Variants in RIC1 observed in about 807,000 individuals in gnomAD.
The protein encoded by RIC1 is guanine nucleotide exchange factor subunit RIC1.
In RIC1, 88 loss-of-function variants were observed where a neutral mutation model predicts 169.0. The ratio of observed to expected loss-of-function variants is 0.52; its 90% confidence interval spans 0.44 to 0.62. RIC1 has a LOEUF of 0.62. Ranked by LOEUF, RIC1 falls within the 20% of genes least tolerant of loss-of-function variation. The pLI is 0.00. For missense variants in RIC1, 1,877 were observed against 1,725.5 expected, an observed-to-expected ratio of 1.09 and a Z score of -1.56; for synonymous variants, 790 against 601.5, an observed-to-expected ratio of 1.31 and a Z score of -4.59.
chr9:5,721,472 G>C (rs1198806226), intron 6 of RIC1, among the ~76,000 whole-genome samples: 1 of 152,174 alleles, frequency 6.6e-6, no homozygotes, highest in East Asian at 1.9e-4. Flanking sequence ...ACGCTGAAGA[G>C]CCCCAGGGTC....
At chr9:5,717,455 A>G (rs560927491) in intron 4 of RIC1, among the ~76,000 whole-genome samples, 1 of 152,296 alleles carries the variant, frequency 6.6e-6, no homozygotes, top group East Asian at 1.9e-4. Flanking sequence ...TGAAGTAATC[A>G]AAAGGATCAG....
rs1448940885 is a variant in RIC1, at chr9:5,720,302, A to G, written c.561A>G (p.Ser187=). The G allele has an allele frequency of 6.2e-7, 1 of 1,613,484 alleles. No individual in the cohort carries two copies. Among genetic ancestry groups the G allele is most frequent in the Non-Finnish European group, 8.5e-7 (1 of 1,179,652 alleles). ...TTAATCTTTGCACAGTACCCTTTTC[A>G]GTAGACCTGCAGTCATCTAGAGGTA... ...KAINLCTVPF[S]VDLQSSRVGS... is the part of the protein sequence containing the mutation. Residue 187 remains serine, a synonymous_variant, in exon 5 of 26, where the codon TCA becomes TCG. Coordinates refer to ENST00000414202, the MANE Select transcript of RIC1 (RefSeq NM_020829.4).
At chr9:5,702,470 C>T (rs1402641614) in intron 3 of RIC1, among the ~76,000 whole-genome samples, 2 of 152,110 alleles carry the variant, frequency 1.3e-5, no homozygotes, top group Admixed American at 6.5e-5. Context: ...GAGCAGGAAG[C>T]CGGGGAGAGG....
At chr9:5,668,650 C>T (rs1819922032) in intron 2 of RIC1, among the ~76,000 whole-genome samples, 2 of 152,098 alleles carry the variant, frequency 1.3e-5, no homozygotes, top group South Asian at 2.1e-4. Context: ...TTTCCGTCTG[C>T]TCAAATTTGC....
At position 5,643,092 on chromosome 9, in the gene RIC1, G is replaced by C. The variant is rs892004311; in HGVS notation, c.145-13491G>C. 1.1e-4 allele frequency among the ~76,000 whole-genome samples: 17 copies of C among 152,154 alleles called. 1 individual carries two copies. Among genetic ancestry groups the C allele is most frequent in the African/African-American group, 3.9e-4 (16 of 41,494 alleles). Reference sequence around the variant, plus strand: ...AGGTGGGAGGATCACTTGAGCCCAGGAGTTCAAGACCAGTCTGGACAGTAT... The same window carrying C: ...AGGTGGGAGGATCACTTGAGCCCAGCAGTTCAAGACCAGTCTGGACAGTAT... On this transcript the variant is annotated intron_variant, in intron 1 of 25. Coordinates refer to ENST00000414202, the MANE Select transcript of RIC1 (RefSeq NM_020829.4).
At chr9:5,656,389 TA>T (rs1819099041) in intron 1 of RIC1, among the ~76,000 whole-genome samples, 193 bp from the exon 2 acceptor site, 1 of 152,216 alleles carries the variant, frequency 6.6e-6, no homozygotes, top group African/African-American at 2.4e-5. Flanking sequence ...GTTTCTTTAA[TA>T]ATACAGGCGT....
intron 2 of RIC1, among the ~76,000 whole-genome samples, chr9:5,686,554 A>G (rs10975240): frequency 0.036 from 5,294 of 147,202 alleles, 122 homozygotes; most frequent in Middle Eastern, 0.059. Context: ...GCATATTCTC[A>G]CTCATAGGTG....
intron 1 of RIC1, among the ~76,000 whole-genome samples, chr9:5,631,288 C>A (rs1359207565): frequency 6.6e-6 from 1 of 152,168 alleles, no homozygotes; most frequent in African/African-American, 2.4e-5. Flanking sequence ...AGTCCAGGGA[C>A]CCCTACTATT....
At chr9:5,768,871 C>A (rs1586727052) in intron 21 of RIC1, 99 bp from the exon 22 acceptor site, 1 of 1,296,382 alleles carries the variant, frequency 7.7e-7, no homozygotes, top group Non-Finnish European at 1.1e-6. Context: ...TCTTGGATCT[C>A]TTATCTCCTT....
chr9:5,771,890 A>C (rs1280072448), intron 23 of RIC1, among the ~76,000 whole-genome samples: 1 of 152,236 alleles, frequency 6.6e-6, no homozygotes, highest in African/African-American at 2.4e-5. Context: ...TATTAACTGA[A>C]GAAAATCCAT....
chr9:5,752,669 C>G (rs1230904235), intron 12 of RIC1, among the ~76,000 whole-genome samples: 1 of 152,160 alleles, frequency 6.6e-6, no homozygotes, highest in African/African-American at 2.4e-5. Context: ...CTCCTGACCT[C>G]AGGTGATCCA....
chr9:5,756,344 C>G lies in RIC1; in HGVS notation c.1825C>G (p.Leu609Val). ...ATTTAGAGCAGACTGTTCAATATGC[C>G]TTTACAGTATTGAAAGAAAATCTGA... ...IVFRADCSIC[L>V]YSIERKSDGP... is the part of the protein sequence containing the mutation. The change falls in exon 16 of 26, where the codon CTT becomes GTT. Residue 609 changes from leucine to valine, a missense_variant. Physicochemically the swap from Leu to Val is conservative, Grantham distance 32. Coordinates refer to ENST00000414202, the MANE Select transcript of RIC1 (RefSeq NM_020829.4). 6.5e-7 allele frequency: 1 copy of G among 1,536,428 alleles called. No homozygotes were observed. The highest frequency in any genetic ancestry group is 8.8e-7 in the Non-Finnish European group (1 of 1,132,990).
chr9:5,743,478 C>T (rs1254782445), intron 9 of RIC1, among the ~76,000 whole-genome samples: 1 of 152,128 alleles, frequency 6.6e-6, no homozygotes, highest in African/African-American at 2.4e-5. Context: ...AGCTGCATAT[C>T]TCTGGCAAGA....
At chr9:5,682,619 A>G (rs1275091802) in intron 2 of RIC1, among the ~76,000 whole-genome samples, 1 of 152,070 alleles carries the variant, frequency 6.6e-6, no homozygotes, top group African/African-American at 2.4e-5. Context: ...ACTTTGCTGA[A>G]TCTGACAATT....
At chr9:5,729,012 C>G (rs1361825224) in intron 6 of RIC1, among the ~76,000 whole-genome samples, 1 of 152,166 alleles carries the variant, frequency 6.6e-6, no homozygotes. Flanking sequence ...TTCCCTCTGT[C>G]CCTCCCTTCT....
In RIC1 at chr9:5,761,899, T is replaced by G. The variant is rs115667332; in HGVS notation, c.1993-642T>G. Among the ~76,000 whole-genome samples, 1,163 of 152,338 alleles carry G rather than the reference T, an allele frequency of 7.6e-3. 21 individuals carry two copies. The highest frequency in any genetic ancestry group is 0.027 in the African/African-American group (1,119 of 41,578). On this transcript the variant is annotated intron_variant, in intron 17 of 25. Coordinates refer to ENST00000414202, the MANE Select transcript of RIC1 (RefSeq NM_020829.4). Reference sequence around the variant, plus strand: ...TAAAAAGGCAGACTATTTCCTCATTTCTGAAGTCAACACCCATGAAATCTG... The same window carrying G: ...TAAAAAGGCAGACTATTTCCTCATTGCTGAAGTCAACACCCATGAAATCTG...
At chr9:5,632,398 C>A (rs1334890579) in intron 1 of RIC1, among the ~76,000 whole-genome samples, 1 of 152,162 alleles carries the variant, frequency 6.6e-6, no homozygotes, top group African/African-American at 2.4e-5. Flanking sequence ...ACTACTTATA[C>A]CTACTGTCCT....
intron 7 of RIC1, among the ~76,000 whole-genome samples, chr9:5,733,478 C>T (rs1452159441): frequency 1.3e-5 from 2 of 151,866 alleles, no homozygotes; most frequent in African/African-American, 4.8e-5. Context: ...CGTGTTTGGC[C>T]AGGATGGTCT....
chr9:5,728,081 G>A (rs376851160), intron 6 of RIC1, among the ~76,000 whole-genome samples: 8 of 152,182 alleles, frequency 5.3e-5, no homozygotes, highest in Admixed American at 5.2e-4. Flanking sequence ...TGTTAGACAG[G>A]GACATTTACG....
Sources: allele counts gnomAD v4.1 joint callset (sites outside exome capture counted in the v4.1 genomes callset), GRCh38; gene constraint gnomAD v4.1.1; transcripts MANE v1.5; gene names NCBI Gene and HGNC (gene_info 2026-07-23, HGNC 2026-07-21).